PACRG: variants seen among roughly 807,000 people sequenced by gnomAD.
PACRG encodes the protein parkin coregulated gene protein.
Under a neutral mutation model 29.7 loss-of-function variants are expected in PACRG, and 29 were observed. The observed-to-expected ratio is 0.98, with a 90% CI of 0.73 to 1.33. The LOEUF (loss-of-function observed/expected upper bound fraction) is 1.33. Among genes scored for constraint, PACRG ranks in the 40% most tolerant of loss-of-function variants. The pLI, the probability that PACRG is intolerant of heterozygous loss-of-function variation, is 0.00. For missense variants in PACRG, 279 were observed against 316.2 expected, an observed-to-expected ratio of 0.88 and a Z score of 0.89; for synonymous variants, 116 against 118.7, an observed-to-expected ratio of 0.98 and a Z score of 0.15.
chr6:163,265,095 C>T (rs1783477109), intron 4 of PACRG, among the ~76,000 whole-genome samples: 1 of 152,200 alleles, frequency 6.6e-6, no homozygotes, highest in Non-Finnish European at 1.5e-5. Flanking sequence ...GAGCCGGCTT[C>T]CACTCCTGCT....
At chr6:163,074,603 A>G (rs1812372201) in intron 3 of PACRG, among the ~76,000 whole-genome samples, 1 of 151,774 alleles carries the variant, frequency 6.6e-6, no homozygotes, top group Non-Finnish European at 1.5e-5. Context: ...GAAGTGATGA[A>G]TACCTCATTT....
At chr6:163,101,762 G>A (rs906789453) in intron 4 of PACRG, among the ~76,000 whole-genome samples, 2 of 152,118 alleles carry the variant, frequency 1.3e-5, no homozygotes, top group Non-Finnish European at 2.9e-5. Flanking sequence ...AGGCCTTCCT[G>A]CTCTCACCGT....
chr6:163,003,069 A>G (rs576979861), intron 2 of PACRG, among the ~76,000 whole-genome samples: 1 of 152,286 alleles, frequency 6.6e-6, no homozygotes, highest in African/African-American at 2.4e-5. Flanking sequence ...TCTAGATGGC[A>G]TGTCTTGCCT....
At chr6:163,074,106 G>T (rs911105832) in intron 3 of PACRG, among the ~76,000 whole-genome samples, 4 of 152,116 alleles carry the variant, frequency 2.6e-5, no homozygotes, top group African/African-American at 9.7e-5. Flanking sequence ...GTATATCAAA[G>T]AAATATCTGC....
In PACRG at chr6:162,837,123, C is replaced by T. The variant is rs376614722; in HGVS notation, c.291+22842C>T. Among the ~76,000 whole-genome samples the T allele has an allele frequency of 1.4e-4, 22 of 152,078 alleles. No individual in the cohort carries two copies. In the East Asian group the frequency reaches 3.9e-3, roughly 27 times the overall value. ...TGTGGGATAAGATTAAGTGGAAAGG[C>T]GGAAGCTGGATTGTGAGGGGCCCTG... On this transcript the variant is annotated intron_variant, in intron 2 of 4. Coordinates refer to ENST00000366888, the MANE Select transcript of PACRG (RefSeq NM_001080379.2).
intron 4 of PACRG, among the ~76,000 whole-genome samples, chr6:163,104,513 G>A (rs957715167): frequency 1.3e-5 from 2 of 152,184 alleles, no homozygotes; most frequent in Non-Finnish European, 2.9e-5. Context: ...ACCATTTGAT[G>A]AGGGTCTTGT....
intron 1 of PACRG, among the ~76,000 whole-genome samples, chr6:162,765,732 G>T (rs567374603): frequency 6.6e-6 from 1 of 151,880 alleles, no homozygotes; most frequent in East Asian, 1.9e-4. Flanking sequence ...AGATAAACAT[G>T]TATAACTATT....
chr6:163,131,678 C>A (rs377731193), intron 4 of PACRG, among the ~76,000 whole-genome samples: 2 of 152,108 alleles, frequency 1.3e-5, no homozygotes, highest in Non-Finnish European at 2.9e-5. Flanking sequence ...ATGTTAAGAG[C>A]CCTCAGCTGT....
chr6:162,751,966 T>C (rs1234523982), intron 1 of PACRG, among the ~76,000 whole-genome samples: 3 of 152,190 alleles, frequency 2.0e-5, no homozygotes, highest in African/African-American at 4.8e-5. Context: ...TGTTGAACTA[T>C]AATTTTTACA....
chr6:163,117,428 A>G (rs1382658552), intron 4 of PACRG, among the ~76,000 whole-genome samples: 1 of 152,218 alleles, frequency 6.6e-6, no homozygotes, highest in Non-Finnish European at 1.5e-5. Context: ...CAGAAAGGTC[A>G]TGAAAGGAGT....
At chr6:163,143,240 G>A (rs754725210) in intron 4 of PACRG, among the ~76,000 whole-genome samples, 1 of 151,888 alleles carries the variant, frequency 6.6e-6, no homozygotes, top group Non-Finnish European at 1.5e-5. Flanking sequence ...AAAATAAAAA[G>A]TTCATAAAAA....
intron 1 of PACRG, among the ~76,000 whole-genome samples, chr6:162,768,998 A>G (rs1364678559): frequency 1.3e-5 from 2 of 152,124 alleles, no homozygotes; most frequent in African/African-American, 4.8e-5. Flanking sequence ...TGTGTCTTAC[A>G]ATTGCCCATT....
chr6:162,727,907 C>A (rs1454482835), upstream of PACRG: 4 of 591,828 alleles, frequency 6.8e-6, no homozygotes, highest in Admixed American at 1.2e-4. Flanking sequence ...CCGCCCTTTC[C>A]GGCTTCAGGC....
At chr6:162,809,878 A>C (rs1157221800) in intron 1 of PACRG, among the ~76,000 whole-genome samples, 1 of 152,186 alleles carries the variant, frequency 6.6e-6, no homozygotes, top group African/African-American at 2.4e-5. Context: ...TTTCCTCTTC[A>C]CTAGAATAGT....
chr6:163,003,767 G>T (rs927176625), intron 2 of PACRG, among the ~76,000 whole-genome samples: 1 of 152,136 alleles, frequency 6.6e-6, no homozygotes, highest in Non-Finnish European at 1.5e-5. Flanking sequence ...CTCTCTGCCT[G>T]CCACCAGGTT....
At chr6:163,031,005 T>A (rs80090219) in intron 2 of PACRG, among the ~76,000 whole-genome samples, 22,052 of 152,174 alleles carry the variant, frequency 0.14, 1,716 homozygotes, top group East Asian at 0.26. Flanking sequence ...TTCTTCAAGC[T>A]GAATAGGCGC....
chr6:162,958,735 C>CGTGTGT (rs139595345), intron 2 of PACRG, among the ~76,000 whole-genome samples: 15,388 of 144,692 alleles, frequency 0.11, 1,192 homozygotes, highest in East Asian at 0.25. Context: ...TACACATATG[C>CGTGTGT]GTGTGTGTGT....
chr6:163,245,491 C>T (rs964508910), intron 4 of PACRG, among the ~76,000 whole-genome samples: 2 of 152,068 alleles, frequency 1.3e-5, no homozygotes, highest in Admixed American at 6.5e-5. Context: ...TTTGGAGAGC[C>T]GCACGTTAAT....
Position 163,274,740 on chromosome 6 carries a change from G to A in PACRG, c.614-40087G>A, listed in dbSNP as rs117419684. ...ATCACCGTTCTGTTGTTTTCTATTC[G>A]TTCTATAATTTGGGACTGTACTTCC... On this transcript the variant is annotated intron_variant, in intron 4 of 4. Transcript: ENST00000366888. Among the ~76,000 whole-genome samples, 1,278 of 152,040 alleles carry A rather than the reference G, an allele frequency of 8.4e-3. 7 individuals are homozygous for A. Among genetic ancestry groups the A allele is most frequent in the Middle Eastern group, 0.058 (17 of 294 alleles).
Sources: allele counts gnomAD v4.1 joint callset (sites outside exome capture counted in the v4.1 genomes callset), GRCh38; gene constraint gnomAD v4.1.1; transcripts MANE v1.5; gene names NCBI Gene and HGNC (gene_info 2026-07-23, HGNC 2026-07-21).